The following TYW1B variants were observed in gnomAD, a reference collection of about 807,000 sequenced individuals.
TYW1B encodes the protein tRNA-yW synthesizing protein 1 homolog B.
Under a neutral mutation model 86.9 loss-of-function variants are expected in TYW1B, and 73 were observed. The ratio of observed to expected loss-of-function variants is 0.84; its 90% CI spans 0.70 to 1.02. The LOEUF is 1.02. Ranked by LOEUF, TYW1B falls within the 50% of genes least tolerant of loss-of-function variation. The pLI is 0.00. For missense variants in TYW1B, 637 were observed against 827.4 expected, an observed-to-expected ratio of 0.77 and a Z score of 2.82; for synonymous variants, 248 against 292.8, an observed-to-expected ratio of 0.85 and a Z score of 1.56.
intron 11 of TYW1B, among the ~76,000 whole-genome samples, chr7:72,675,632 A>G (rs1474579609): frequency 1.3e-5 from 2 of 151,400 alleles, no homozygotes; most frequent in African/African-American, 4.9e-5. Flanking sequence ...ACACACACAT[A>G]CTAATATATG....
chr7:72,632,285 G>GTATATATATATATATATATAATATA (rs1239640717), intron 11 of TYW1B, among the ~76,000 whole-genome samples: 4 of 83,566 alleles, frequency 4.8e-5, no homozygotes, highest in Non-Finnish European at 8.3e-5. Flanking sequence ...ATATATACGT[G>GTATATATATATATATATATAATATA]TATATATATA....
chr7:72,727,043 C>T (rs1457992169), intron 9 of TYW1B, among the ~76,000 whole-genome samples: 1 of 152,130 alleles, frequency 6.6e-6, no homozygotes, highest in Non-Finnish European at 1.5e-5. Flanking sequence ...TCAATTACCT[C>T]CACCGGTCTC....
At chr7:72,594,124 C>A (rs1271028659) in intron 13 of TYW1B, among the ~76,000 whole-genome samples, 2 of 151,386 alleles carry the variant, frequency 1.3e-5, no homozygotes, top group Admixed American at 1.3e-4. Context: ...ACAGGACAAA[C>A]TGAACCAAAA....
intron 13 of TYW1B, among the ~76,000 whole-genome samples, chr7:72,578,447 T>C (rs1811076806): frequency 6.6e-6 from 1 of 152,016 alleles, no homozygotes. Flanking sequence ...TAGAAGACCA[T>C]ACAAAGAATC....
intron 10 of TYW1B, among the ~76,000 whole-genome samples, chr7:72,701,290 G>C (rs1346050122): frequency 6.6e-6 from 1 of 151,462 alleles, no homozygotes; most frequent in African/African-American, 2.4e-5. Context: ...TTGCGACAAG[G>C]TCTCACTCTG....
chr7:72,770,438 A>C (rs1317733097), intron 7 of TYW1B, among the ~76,000 whole-genome samples: 1 of 151,038 alleles, frequency 6.6e-6, no homozygotes, highest in African/African-American at 2.4e-5. Flanking sequence ...AAAAAAAAAA[A>C]AAAAAAAAGA....
chr7:72,575,008 C>T lies in TYW1B; in HGVS notation c.*490G>A. The T allele has an allele frequency of 1.0e-6, 1 of 988,324 alleles. No individual in the cohort carries two copies. Among genetic ancestry groups the T allele is most frequent in the Non-Finnish European group, 1.2e-6 (1 of 831,748 alleles). The allele number at this position is 988,324 out of a possible 1,614,324, so 61.2% of individuals were successfully genotyped here. Reference sequence around the variant, plus strand: ...CAACTTCGATTCTTTTCAGGAGGTGCTGTCTTAAGACAGAAGAAAGGGATC... The same window carrying T: ...CAACTTCGATTCTTTTCAGGAGGTGTTGTCTTAAGACAGAAGAAAGGGATC... On this transcript the variant is annotated 3_prime_UTR_variant, in exon 14 of 14. Transcript: ENST00000620995.
chr7:72,629,052 A>G, intron 11 of TYW1B, 55 bp from the exon 12 acceptor site: 1 of 1,511,658 alleles, frequency 6.6e-7, no homozygotes, highest in Admixed American at 2.1e-5. Context: ...TCACCTCTTA[A>G]CCTAGAGGGT....
chr7:72,716,055 C>T (rs1300512766), intron 9 of TYW1B, among the ~76,000 whole-genome samples: 1 of 152,116 alleles, frequency 6.6e-6, no homozygotes, highest in Non-Finnish European at 1.5e-5. Flanking sequence ...CTCAGCCTCC[C>T]GAGTAGCTGG....
intron 11 of TYW1B, among the ~76,000 whole-genome samples, chr7:72,651,976 G>A (rs1458153432): frequency 6.6e-6 from 1 of 152,106 alleles, no homozygotes; most frequent in Non-Finnish European, 1.5e-5. Context: ...GGAGTGCAGT[G>A]GTGCAATCAC....
At chr7:72,652,295 A>G (rs62465957) in intron 11 of TYW1B, among the ~76,000 whole-genome samples, 150,168 of 150,286 alleles carry the variant, frequency 1, 75,025 homozygotes, top group Middle Eastern at 1. Flanking sequence ...GGAGAATGGC[A>G]TGAACCCGGG....
At chr7:72,813,596 A>T (rs1466345620) in intron 3 of TYW1B, among the ~76,000 whole-genome samples, 1 of 152,246 alleles carries the variant, frequency 6.6e-6, no homozygotes. Flanking sequence ...GGAGATGCTG[A>T]TGCTGCTGGC....
chr7:72,744,741 C>T (rs566791120), intron 7 of TYW1B, 140 bp from the exon 8 acceptor site: 61 of 977,172 alleles, frequency 6.2e-5, no homozygotes, highest in South Asian at 1.2e-4. Context: ...GCAGGAAATT[C>T]GCATCAGAGC....
intron 2 of TYW1B, 63 bp from the exon 3 acceptor site, chr7:72,815,544 C>A (rs1788707556): frequency 7.0e-7 from 1 of 1,428,772 alleles, no homozygotes. Context: ...CCCTCATTTA[C>A]CCCTGTTGGC....
chr7:72,697,329 A>G (rs1379104404), intron 10 of TYW1B, among the ~76,000 whole-genome samples: 34 of 152,246 alleles, frequency 2.2e-4, no homozygotes, highest in African/African-American at 5.8e-4. Flanking sequence ...AGGAAGTCCA[A>G]TAAGGAATTC....
In TYW1B at chr7:72,574,955, G is replaced by A. The variant is rs1261761886; in HGVS notation, c.*543C>T. On this transcript the variant is annotated 3_prime_UTR_variant, in exon 14 of 14. Transcript: ENST00000620995. ...AATAAACCAAAACTCAATCTATGCA[G>A]TATTTAAAAAATAATTGAGAGTTGT... is the stretch of plus-strand genomic sequence containing the variant. 5 of 988,136 alleles carry A rather than the reference G, an allele frequency of 5.1e-6. No homozygotes were observed. Among genetic ancestry groups the A allele is most frequent in the Non-Finnish European group, 4.8e-6 (4 of 831,662 alleles). The allele number at this position is 988,136 out of a possible 1,614,324, so 61.2% of individuals were successfully genotyped here. A position where few individuals can be genotyped will look rare whatever the true frequency, so the allele number is the denominator to read the frequency against.
chr7:72,697,031 T>TAAAAAAAA (rs781801843), intron 10 of TYW1B, among the ~76,000 whole-genome samples: 1 of 137,960 alleles, frequency 7.2e-6, no homozygotes, highest in Admixed American at 7.6e-5. Context: ...GATTTCTACT[T>TAAAAAAAA]AAAAAAAAAA....
intron 7 of TYW1B, among the ~76,000 whole-genome samples, chr7:72,756,531 G>A (rs191005284): frequency 3.9e-5 from 6 of 152,116 alleles, no homozygotes; most frequent in South Asian, 2.1e-4. Flanking sequence ...CACGACACCC[G>A]GCCTAGTACC....
rs189104819 is a variant in TYW1B, at chr7:72,791,568, G to C, written c.846+10832C>G. 3.7e-3 allele frequency among the ~76,000 whole-genome samples: 547 copies of C among 147,736 alleles called. 1 individual carries two copies. The highest frequency in any genetic ancestry group is 9.4e-3 in the Admixed American group (138 of 14,654). Reference sequence around the variant, plus strand: ...CAAGGTGGGCGGATCATAAGATCAGGAAATCGGGACCATCCTGGCTAACAT... The same window carrying C: ...CAAGGTGGGCGGATCATAAGATCAGCAAATCGGGACCATCCTGGCTAACAT... On this transcript the variant is annotated intron_variant, in intron 6 of 13. Coordinates refer to ENST00000620995, the MANE Select transcript of TYW1B (RefSeq NM_001145440.3).
Sources: allele counts gnomAD v4.1 joint callset (sites outside exome capture counted in the v4.1 genomes callset), GRCh38; gene constraint gnomAD v4.1.1; transcripts MANE v1.5; gene names NCBI Gene and HGNC (gene_info 2026-07-23, HGNC 2026-07-21).